DNAH12: variants seen among roughly 807,000 people sequenced by gnomAD.
DNAH12 encodes the protein axonemal beta dynein heavy chain 12.
Under a neutral mutation model 371.5 loss-of-function variants are expected in DNAH12, and 285 were observed. That is an observed-to-expected ratio of 0.77 (90% confidence interval 0.70 to 0.85). The LOEUF is 0.85. DNAH12 is among the 40% of genes least tolerant of loss of function. The pLI is 0.00. For missense variants in DNAH12, 3,611 were observed against 3,689.4 expected, an observed-to-expected ratio of 0.98 and a Z score of 0.55; for synonymous variants, 1,200 against 1,213.0, an observed-to-expected ratio of 0.99 and a Z score of 0.22.
chr3:57,492,352 C>T (rs971057078), intron 11 of DNAH12, among the ~76,000 whole-genome samples: 2 of 151,472 alleles, frequency 1.3e-5, no homozygotes, highest in African/African-American at 2.4e-5. Context: ...CCCAGCTACT[C>T]GGGAGGCTGA....
At chr3:57,370,868 G>T (rs1277278019) in intron 55 of DNAH12, among the ~76,000 whole-genome samples, 1 of 152,112 alleles carries the variant, frequency 6.6e-6, no homozygotes, top group Non-Finnish European at 1.5e-5. Context: ...TATGTTGGGG[G>T]AGGCTGGAAC....
At chr3:57,515,634 A>T (rs1013393782) in intron 4 of DNAH12, among the ~76,000 whole-genome samples, 10 of 151,968 alleles carry the variant, frequency 6.6e-5, no homozygotes, top group Admixed American at 1.3e-4. Flanking sequence ...TATTAATAAT[A>T]ATAATACATT....
intron 65 of DNAH12, among the ~76,000 whole-genome samples, chr3:57,319,270 G>A (rs2153286658): frequency 6.6e-6 from 1 of 152,210 alleles, no homozygotes; most frequent in South Asian, 2.1e-4. Flanking sequence ...TTTTTCTTGT[G>A]TGGAGTTTTG....
rs778731713 is a variant in DNAH12 at position 57,471,613 on chromosome 3, A to T, written c.1777-7T>A. On this transcript the variant is annotated splice_region_variant and splice_polypyrimidine_tract_variant and intron_variant, in intron 14 of 73. Coordinates refer to ENST00000495027, the MANE Select transcript of DNAH12 (RefSeq NM_001366028.2). ...GTTTAGCATTCTCAATTAGCTTTTT[A>T]AAAGACAATTTGATCATGTTAGTTA... is the stretch of plus-strand genomic sequence containing the variant. 8 of 1,525,626 alleles carry T rather than the reference A, an allele frequency of 5.2e-6. No individual in the cohort carries two copies. The South Asian group carries it at 1.0e-4, about 19-fold the overall frequency. The allele number at this position is 1,525,626 out of a possible 1,614,324, so 94.5% of individuals were successfully genotyped here. A position where few individuals can be genotyped will look rare whatever the true frequency, so the allele number is the denominator to read the frequency against.
At position 57,334,616 on chromosome 3, in the gene DNAH12, GA is replaced by G. The variant is rs1265231303; in HGVS notation, c.9834-8del. On this transcript the variant is annotated splice_polypyrimidine_tract_variant and splice_region_variant and intron_variant, in intron 61 of 73. Transcript: ENST00000495027. ...ATGTTCACAAAAATGTTGCCTAATAGAAAAAAGCTTAAGAATTATTCTTTTT... is the reference window on the plus strand; with the variant it reads ...ATGTTCACAAAAATGTTGCCTAATAGAAAAAGCTTAAGAATTATTCTTTTT... 2.6e-6 allele frequency: 4 copies of G among 1,529,292 alleles called. No individual in the cohort carries two copies. Among genetic ancestry groups the G allele is most frequent in the Non-Finnish European group, 2.6e-6 (3 of 1,141,850 alleles). The allele number at this position is 1,529,292 out of a possible 1,614,324, so 94.7% of individuals were successfully genotyped here.
chr3:57,520,574 C>T lies in DNAH12; in HGVS notation c.279+3009G>A, dbSNP rs888498405. On this transcript the variant is annotated intron_variant, in intron 4 of 73. Transcript: ENST00000495027. Reference sequence around the variant, plus strand: ...TCTCCTGCCTCAGCCTCCCGAGTAGCTGGGACTACAGGCGCCCGCCACCAC... The same window carrying T: ...TCTCCTGCCTCAGCCTCCCGAGTAGTTGGGACTACAGGCGCCCGCCACCAC... Among the ~76,000 whole-genome samples, 12 of 151,782 alleles carry T rather than the reference C, an allele frequency of 7.9e-5. No individual in the cohort carries two copies. The South Asian group carries it at 1.7e-3, about 21-fold the overall frequency.
At chr3:57,369,820 A>G (rs953487237) in intron 55 of DNAH12, among the ~76,000 whole-genome samples, 1 of 152,236 alleles carries the variant, frequency 6.6e-6, no homozygotes, top group Non-Finnish European at 1.5e-5. Context: ...TGTAACATCT[A>G]TAAATTAACA....
chr3:57,297,075 T>A, intron 70 of DNAH12, 91 bp from the exon 71 acceptor site: 1 of 1,445,560 alleles, frequency 6.9e-7, no homozygotes, highest in Non-Finnish European at 9.3e-7. Flanking sequence ...TTTTTGCTTA[T>A]GTTGCCCACA....
intron 12 of DNAH12, 110 bp from the exon 13 acceptor site, chr3:57,483,621 A>AT (rs35624030): frequency 0.65 from 828,842 of 1,265,902 alleles, 273,853 homozygotes; most frequent in South Asian, 0.75. Flanking sequence ...TATCCTAAAA[A>AT]AATTGCTTGA....
At chr3:57,438,235 C>T (rs9840237) in intron 29 of DNAH12, among the ~76,000 whole-genome samples, 63,712 of 151,886 alleles carry the variant, frequency 0.42, 15,017 homozygotes, top group South Asian at 0.57. Context: ...CGCTTGAACC[C>T]GGGAGGTGGA....
chr3:57,437,303 T>C (rs17058168), intron 29 of DNAH12, among the ~76,000 whole-genome samples: 22,083 of 152,230 alleles, frequency 0.15, 1,641 homozygotes, highest in South Asian at 0.21. Flanking sequence ...GGGTGTATGC[T>C]GCATGAAAAT....
chr3:57,441,161 A>G (rs2065293450), intron 29 of DNAH12, among the ~76,000 whole-genome samples: 1 of 152,236 alleles, frequency 6.6e-6, no homozygotes, highest in African/African-American at 2.4e-5. Flanking sequence ...AGATTATAAG[A>G]TAGAAAAAAT....
chr3:57,465,627 A>G (rs1022439756), intron 17 of DNAH12, among the ~76,000 whole-genome samples: 5 of 152,138 alleles, frequency 3.3e-5, no homozygotes, highest in East Asian at 1.9e-4. Context: ...AAGAATAAAA[A>G]TAATTACATA....
At chr3:57,340,263 T>C (rs1451953595) in intron 60 of DNAH12, among the ~76,000 whole-genome samples, 1 of 146,778 alleles carries the variant, frequency 6.8e-6, no homozygotes, top group Non-Finnish European at 1.5e-5. Context: ...CTCAAGAAAC[T>C]AGAAAAGCAA....
chr3:57,494,666 T>A (rs1305252232), intron 11 of DNAH12, among the ~76,000 whole-genome samples: 1 of 152,042 alleles, frequency 6.6e-6, no homozygotes, highest in East Asian at 1.9e-4. Flanking sequence ...GAACTCAGAT[T>A]AGAAAGGAAG....
intron 60 of DNAH12, among the ~76,000 whole-genome samples, 152 bp downstream of exon 60, chr3:57,351,933 C>T (rs980984457): frequency 1.3e-5 from 2 of 152,074 alleles, no homozygotes; most frequent in African/African-American, 4.8e-5. Context: ...CCGATACTAT[C>T]GTAGAAGCCA....
intron 60 of DNAH12, among the ~76,000 whole-genome samples, chr3:57,347,541 C>G (rs1358294515): frequency 6.6e-6 from 1 of 151,916 alleles, no homozygotes; most frequent in Non-Finnish European, 1.5e-5. Context: ...CATGGTAAAA[C>G]CCTGTCTCAA....
intron 25 of DNAH12, among the ~76,000 whole-genome samples, chr3:57,449,106 G>A (rs1484371166): frequency 1.3e-4 from 13 of 99,610 alleles, no homozygotes; most frequent in African/African-American, 4.1e-4. Context: ...TTACAACCCT[G>A]AGCTAGACAT....
At chr3:57,544,477 A>C (rs150207840), upstream of DNAH12, 1 of 152,150 alleles carries the variant, frequency 6.6e-6, no homozygotes, top group Admixed American at 6.5e-5. Flanking sequence ...TCACAACAAT[A>C]ATTCGTTACT....
Sources: allele counts gnomAD v4.1 joint callset (sites outside exome capture counted in the v4.1 genomes callset), GRCh38; gene constraint gnomAD v4.1.1; transcripts MANE v1.5; gene names NCBI Gene and HGNC (gene_info 2026-07-23, HGNC 2026-07-21).